RFX8: variants seen among roughly 807,000 people sequenced by gnomAD.
RFX8 encodes the protein regulatory factor X8, also known as DNA-binding protein RFX8.
In RFX8, 46 loss-of-function variants were observed where a neutral mutation model predicts 54.6. That is an observed-to-expected ratio of 0.84 (90% CI 0.67 to 1.08). RFX8 has a LOEUF of 1.08. Among genes scored for constraint, RFX8 ranks in the 50% least tolerant of loss-of-function variants. The pLI is 0.00. For missense variants in RFX8, 536 were observed against 562.3 expected, an observed-to-expected ratio of 0.95 and a Z score of 0.47; for synonymous variants, 192 against 209.5, an observed-to-expected ratio of 0.92 and a Z score of 0.72.
intron 7 of RFX8, among the ~76,000 whole-genome samples, chr2:101,413,740 G>C (rs1686310479): frequency 6.6e-6 from 1 of 152,162 alleles, no homozygotes; most frequent in South Asian, 2.1e-4. Flanking sequence ...TACTGCTCTG[G>C]TTGTGTTGAG....
intron 2 of RFX8, among the ~76,000 whole-genome samples, chr2:101,441,540 A>C (rs1377766527): frequency 6.6e-6 from 1 of 152,134 alleles, no homozygotes; most frequent in African/African-American, 2.4e-5. Flanking sequence ...TGGCCCCTTG[A>C]ACTTAGACTT....
At chr2:101,470,387 T>C (rs980664325) in intron 1 of RFX8, among the ~76,000 whole-genome samples, 2 of 152,124 alleles carry the variant, frequency 1.3e-5, no homozygotes, top group Non-Finnish European at 2.9e-5. Context: ...CACCTGGGGC[T>C]CCAAGGAGAG....
At chr2:101,404,848 G>C (rs1573348711) in intron 10 of RFX8, among the ~76,000 whole-genome samples, 2 of 152,208 alleles carry the variant, frequency 1.3e-5, no homozygotes, top group Non-Finnish European at 1.5e-5. Flanking sequence ...CTATAAGTGA[G>C]TGTCACCTAT....
chr2:101,442,597 T>A (rs1200377774), intron 2 of RFX8, among the ~76,000 whole-genome samples: 1 of 152,216 alleles, frequency 6.6e-6, no homozygotes, highest in African/African-American at 2.4e-5. Context: ...ATGATAAATG[T>A]GTTGCCATTC....
intron 2 of RFX8, among the ~76,000 whole-genome samples, chr2:101,449,975 G>A (rs1048123574): frequency 6.6e-6 from 1 of 152,146 alleles, no homozygotes; most frequent in Non-Finnish European, 1.5e-5. Context: ...CAGAAAGGTT[G>A]AGAAGGATAG....
intron 2 of RFX8, among the ~76,000 whole-genome samples, chr2:101,449,792 A>G (rs151207620): frequency 6.6e-6 from 1 of 152,192 alleles, no homozygotes; most frequent in East Asian, 1.9e-4. Flanking sequence ...TCTGGGGCCA[A>G]ACAGTAGGAA....
rs1356904312 is a variant in RFX8 at position 101,474,909 on chromosome 2, C to G, written c.-326G>C. ...GAGTTTTGAAAAATCTCGGAGCTCT[C>G]TGGCAGGCGGGCGCATCTGGACTTC... On this transcript the variant is annotated 5_prime_UTR_variant, in exon 1 of 12. Transcript: ENST00000428343. 6.6e-6 allele frequency among the ~76,000 whole-genome samples: 1 copy of G among 152,134 alleles called. No homozygotes were observed. The highest frequency in any genetic ancestry group is 1.5e-5 in the Non-Finnish European group (1 of 68,010).
intron 2 of RFX8, among the ~76,000 whole-genome samples, chr2:101,436,996 C>T (rs2871422): frequency 0.76 from 115,186 of 152,174 alleles, 44,555 homozygotes; most frequent in Middle Eastern, 0.88. Context: ...CCTGAGACCT[C>T]GGACCCTCCA....
At chr2:101,415,780 C>T (rs1211089120) in intron 6 of RFX8, among the ~76,000 whole-genome samples, 1 of 152,190 alleles carries the variant, frequency 6.6e-6, no homozygotes, top group Non-Finnish European at 1.5e-5. Context: ...GCAAACACAT[C>T]CCAAAAGCAG....
At chr2:101,459,947 T>C (rs1237873063) in intron 2 of RFX8, among the ~76,000 whole-genome samples, 2 of 152,078 alleles carry the variant, frequency 1.3e-5, no homozygotes, top group Non-Finnish European at 2.9e-5. Context: ...CAATGGCCGA[T>C]GCCCCGCCCC....
intron 2 of RFX8, among the ~76,000 whole-genome samples, chr2:101,444,408 G>T (rs1212709131): frequency 3.9e-5 from 6 of 152,214 alleles, no homozygotes; most frequent in Non-Finnish European, 7.3e-5. Context: ...GTCTAAAACA[G>T]AAGATTTAAA....
At chr2:101,428,062 G>GT (rs574206997) in intron 2 of RFX8, among the ~76,000 whole-genome samples, 19 of 17,370 alleles carry the variant, frequency 1.1e-3, no homozygotes, top group Admixed American at 2.7e-3. Context: ...GGGAGGCCAA[G>GT]GGGGGCAGAT....
At chr2:101,417,038 G>T (rs1388318333) in intron 6 of RFX8, among the ~76,000 whole-genome samples, 1 of 152,168 alleles carries the variant, frequency 6.6e-6, no homozygotes, top group Non-Finnish European at 1.5e-5. Flanking sequence ...TAGCTTAAAA[G>T]GGTGTGGCTG....
intron 9 of RFX8, among the ~76,000 whole-genome samples, chr2:101,410,078 C>G (rs1267290677): frequency 5.9e-5 from 9 of 152,090 alleles, no homozygotes; most frequent in Admixed American, 2.0e-4. Context: ...CTGCTCTCCC[C>G]CTGAAATAGA....
chr2:101,465,301 T>C (rs1195160308), intron 2 of RFX8, among the ~76,000 whole-genome samples: 1 of 152,044 alleles, frequency 6.6e-6, no homozygotes. Flanking sequence ...GGTCGGGAGA[T>C]CGAGACCATC....
At chr2:101,444,123 C>T (rs1688247521) in intron 2 of RFX8, among the ~76,000 whole-genome samples, 1 of 152,204 alleles carries the variant, frequency 6.6e-6, no homozygotes, top group Non-Finnish European at 1.5e-5. Flanking sequence ...TTGGCAGAGC[C>T]TGATGCCTCC....
At chr2:101,468,411 T>A (rs1689702448) in intron 1 of RFX8, among the ~76,000 whole-genome samples, 1 of 152,226 alleles carries the variant, frequency 6.6e-6, no homozygotes, top group South Asian at 2.1e-4. Context: ...TTACACAGCC[T>A]TCTCCCTGTG....
At position 101,402,523 on chromosome 2, in the gene RFX8, G is replaced by A. The variant is rs1434084439; in HGVS notation, c.1158C>T (p.His386=). ...SMEPLGVMPT[H]MGQGRYPVGV... ...CCACGGGATATCGGCCCTGGCCCAT[G>A]TGTGTGGGCATCACCCCCAGTGGCT... The change falls in exon 11 of 12, where the codon CAC becomes CAT. Residue 386 remains histidine, a synonymous_variant. Transcript: ENST00000428343. The A allele has an allele frequency of 2.6e-6, 4 of 1,551,800 alleles. No individual in the cohort carries two copies. The highest frequency in any genetic ancestry group is 2.6e-6 in the Non-Finnish European group (3 of 1,147,008).
At chr2:101,403,631 C>CA (rs1685568435) in intron 10 of RFX8, among the ~76,000 whole-genome samples, 1 of 151,876 alleles carries the variant, frequency 6.6e-6, no homozygotes, top group African/African-American at 2.4e-5. Context: ...CTAAAAAATA[C>CA]AAAAAATTAG....
Sources: allele counts gnomAD v4.1 joint callset (sites outside exome capture counted in the v4.1 genomes callset), GRCh38; gene constraint gnomAD v4.1.1; transcripts MANE v1.5; gene names NCBI Gene and HGNC (gene_info 2026-07-23, HGNC 2026-07-21).